The following INSR variants were observed in gnomAD, a reference collection of about 807,000 sequenced individuals.
INSR encodes insulin receptor.
In INSR, 67 loss-of-function variants were observed where a neutral mutation model predicts 142.6. The observed-to-expected ratio is 0.47, with a 90% CI of 0.39 to 0.58. INSR has a LOEUF of 0.58. INSR is among the 20% of genes least tolerant of loss of function. The pLI, the probability that INSR is intolerant of heterozygous loss-of-function variation, is 0.00. For synonymous variants in INSR, 756 were observed against 743.1 expected (o/e 1.02, Z -0.28); for missense variants, 1,248 against 1,833.2 (o/e 0.68, Z 5.83).
chr19:7,237,378 G>A (rs62112783), intron 2 of INSR, among the ~76,000 whole-genome samples: 4 of 151,478 alleles, frequency 2.6e-5, no homozygotes, highest in Non-Finnish European at 4.4e-5. Context: ...TTAGCCGGGC[G>A]TGGTGGCAGG....
At chr19:7,118,472 C>T (rs979169657) in intron 21 of INSR, among the ~76,000 whole-genome samples, 33 of 151,940 alleles carry the variant, frequency 2.2e-4, no homozygotes, top group African/African-American at 6.5e-4. Context: ...CGCCCACGAC[C>T]GCGCCTGGGT....
chr19:7,116,700 C>CGAAAAA lies in INSR; in HGVS notation c.*355_*356insTTTTTC, dbSNP rs1972335089. On this transcript the variant is annotated 3_prime_UTR_variant, in exon 22 of 22. Transcript: ENST00000302850. ...TTTTATACTGAAGCTCAGACACCAG[C>CGAAAAA]AAAAAAAAAAAAAAAAAAAAAGAAT... 1 of 50,516 alleles carries CGAAAAA rather than the reference C, an allele frequency of 2.0e-5. No individual in the cohort carries two copies. The highest frequency in any genetic ancestry group is 3.4e-5 in the Non-Finnish European group (1 of 28,994). 3.1% of individuals were successfully genotyped at this position (50,516 alleles called of 1,614,324 possible).
rs1379004246 is a variant in INSR at position 7,294,272 on chromosome 19, C to A, written c.-381G>T. On this transcript the variant is annotated 5_prime_UTR_variant, in exon 1 of 22. Transcript: ENST00000302850. ...CTCCGGGACAGAGGGACGCGCGGAC[C>A]GACGGACTAGCTGACTGGCGGGCGG... Among the ~76,000 whole-genome samples, 3 of 148,666 alleles carry A rather than the reference C, an allele frequency of 2.0e-5. No homozygotes were observed. The highest frequency in any genetic ancestry group is 4.5e-5 in the Non-Finnish European group (3 of 66,940).
intron 2 of INSR, among the ~76,000 whole-genome samples, chr19:7,242,438 A>T (rs959773871): frequency 2.0e-5 from 3 of 152,140 alleles, no homozygotes; most frequent in Admixed American, 1.3e-4. Flanking sequence ...AAATGTTTTT[A>T]AAATAATAAA....
chr19:7,215,259 G>T (rs1310511854), intron 2 of INSR, among the ~76,000 whole-genome samples: 1 of 152,176 alleles, frequency 6.6e-6, no homozygotes, highest in Admixed American at 6.6e-5. Flanking sequence ...GCCTTGCCCA[G>T]ATGGTCAAAT....
chr19:7,223,576 C>T (rs577756574), intron 2 of INSR, among the ~76,000 whole-genome samples: 1 of 152,286 alleles, frequency 6.6e-6, no homozygotes, highest in East Asian at 1.9e-4. Flanking sequence ...TGGCTTCTGG[C>T]CAATTCTAGG....
At chr19:7,146,386 C>T (rs980122541) in intron 11 of INSR, among the ~76,000 whole-genome samples, 3 of 151,948 alleles carry the variant, frequency 2.0e-5, no homozygotes, top group African/African-American at 4.8e-5. Context: ...GGATTACAGG[C>T]GTGTGCCACC....
Position 7,163,085 on chromosome 19 carries a change from C to T in INSR, c.1976G>A (p.Trp659Ter). The T allele has an allele frequency of 6.2e-7, 1 of 1,614,038 alleles. No homozygotes were observed. Among genetic ancestry groups the T allele is most frequent in the Non-Finnish European group, 8.5e-7 (1 of 1,180,016 alleles). ...CTCACTGTCTTCCGCCTGCCTCTCC[C>T]AGAAAACCAGGTAGTGGGTGATGTT... ...NGNITHYLVF[W>*]ERQAEDSELF... The change falls in exon 9 of 22, where the codon TGG (tryptophan) becomes TAG (stop). Residue 659 changes from tryptophan to a stop codon, truncating the protein, a stop_gained. Transcript: ENST00000302850. LOFTEE classifies it high-confidence loss of function.
Position 7,125,469 on chromosome 19 carries a change from G to T in INSR, c.3072C>A (p.Thr1024=), listed in dbSNP as rs758634755. ...DEWEVSREKI[T]LLRELGQGSF... ...AGCCCTGCCCCAGCTCTCGAAGGAG[G>T]GTGATCTTCTCTCGAGACACCTCCC... The change falls in exon 17 of 22, where the codon ACC becomes ACA. Residue 1024 remains threonine, a synonymous_variant. Transcript: ENST00000302850. The surrounding 1 kb of genome is among the most constrained non-coding windows in gnomAD (Gnocchi z 4.9). The T allele has an allele frequency of 6.2e-7, 1 of 1,614,086 alleles. No homozygotes were observed. The highest frequency in any genetic ancestry group is 8.5e-7 in the Non-Finnish European group (1 of 1,180,022).
chr19:7,233,907 ATC>A (rs1976076716), intron 2 of INSR, among the ~76,000 whole-genome samples: 1 of 149,834 alleles, frequency 6.7e-6, no homozygotes, highest in South Asian at 2.1e-4. Context: ...CGATCTCCTG[ATC>A]TCGTGATGTG....
intron 1 of INSR, among the ~76,000 whole-genome samples, chr19:7,270,561 G>A (rs1008288781): frequency 4.0e-5 from 6 of 151,898 alleles, no homozygotes; most frequent in African/African-American, 1.2e-4. Context: ...AAGTCAGCCT[G>A]GGCAACATAG....
rs781081662 is a variant in INSR, at chr19:7,141,816, G to T, written c.2543C>A (p.Ala848Asp). The change falls in exon 13 of 22, where the codon GCC becomes GAC. Residue 848 changes from alanine (A) to aspartate (D), a missense_variant and splice_region_variant. Coordinates refer to ENST00000302850, the MANE Select transcript of INSR (RefSeq NM_000208.4). ...AGGGCCAACAATGTCATCAGCCTTG[G>T]CTGTAAGGAGAGGAAGTGAGAGGCA... is the stretch of plus-strand genomic sequence containing the variant. ...AYVSARTMPE[A>D]KADDIVGPVT... 1 of 1,613,808 alleles carries T rather than the reference G, an allele frequency of 6.2e-7. No individual in the cohort carries two copies. Among genetic ancestry groups the T allele is most frequent in the Non-Finnish European group, 8.5e-7 (1 of 1,179,768 alleles).
At chr19:7,233,776 C>T (rs762105434) in intron 2 of INSR, among the ~76,000 whole-genome samples, 22 of 147,696 alleles carry the variant, frequency 1.5e-4, no homozygotes, top group Non-Finnish European at 2.5e-4. Flanking sequence ...CCTGGGTTCA[C>T]GCCATTCTCC....
intron 2 of INSR, among the ~76,000 whole-genome samples, chr19:7,198,667 C>T (rs548298318): frequency 2.0e-5 from 3 of 152,218 alleles, no homozygotes; most frequent in African/African-American, 7.2e-5. Flanking sequence ...CATCTCCGAA[C>T]TCGCCGGGCC....
intron 11 of INSR, among the ~76,000 whole-genome samples, chr19:7,147,815 A>G (rs919999522): frequency 2.0e-5 from 3 of 152,204 alleles, no homozygotes; most frequent in African/African-American, 7.2e-5. Flanking sequence ...TATCTCAACA[A>G]CCAGAGATGT....
In INSR at chr19:7,170,174, C is replaced by T. The variant is rs528242335; in HGVS notation, c.1483+363G>A. Reference sequence around the variant, plus strand: ...GTTCTGCCTCCTGTCAGATTAGCGGCGGCATTAGATTCTCACAGGGGTGTG... The same window carrying T: ...GTTCTGCCTCCTGTCAGATTAGCGGTGGCATTAGATTCTCACAGGGGTGTG... On this transcript the variant is annotated intron_variant, in intron 6 of 21. Coordinates refer to ENST00000302850, the MANE Select transcript of INSR (RefSeq NM_000208.4). Among the ~76,000 whole-genome samples the T allele has an allele frequency of 3.3e-5, 5 of 152,102 alleles. No homozygotes were observed. In the East Asian group the frequency reaches 5.8e-4, roughly 18 times the overall value.
chr19:7,261,687 C>T (rs1035513365), intron 2 of INSR, among the ~76,000 whole-genome samples: 5 of 151,970 alleles, frequency 3.3e-5, no homozygotes, highest in African/African-American at 9.7e-5. Context: ...CCCACCACCA[C>T]GCCTGGCTAA....
At chr19:7,229,406 A>G (rs1412762134) in intron 2 of INSR, among the ~76,000 whole-genome samples, 1 of 152,102 alleles carries the variant, frequency 6.6e-6, no homozygotes, top group Non-Finnish European at 1.5e-5. Flanking sequence ...GATAGATATA[A>G]AGCCAGCAAT....
At position 7,168,938 on chromosome 19, in the gene INSR, C is replaced by T. The variant is rs1973949769; in HGVS notation, c.1484-844G>A. Among the ~76,000 whole-genome samples, 1 of 152,178 alleles carries T rather than the reference C, an allele frequency of 6.6e-6. No individual in the cohort carries two copies. The highest frequency in any genetic ancestry group is 1.5e-5 in the Non-Finnish European group (1 of 68,032). Reference sequence around the variant, plus strand: ...CATTTTGACATAAGTAACTAACTCCCCATGAAGGTATCCCAGAAGCCCTTG... The same window carrying T: ...CATTTTGACATAAGTAACTAACTCCTCATGAAGGTATCCCAGAAGCCCTTG... On this transcript the variant is annotated intron_variant, in intron 6 of 21. Coordinates refer to ENST00000302850, the MANE Select transcript of INSR (RefSeq NM_000208.4). The surrounding 1 kb of genome is among the most constrained non-coding windows in gnomAD (Gnocchi z 4.3).
Sources: allele counts gnomAD v4.1 joint callset (sites outside exome capture counted in the v4.1 genomes callset), GRCh38; gene constraint gnomAD v4.1.1; non-coding constraint Gnocchi (gnomAD v3.1); transcripts MANE v1.5; gene names NCBI Gene and HGNC (gene_info 2026-07-23, HGNC 2026-07-21).